COPS4: variants seen among roughly 807,000 people sequenced by gnomAD.
The protein encoded by COPS4 is COP9 signalosome complex subunit 4.
Under a neutral mutation model 55.1 loss-of-function variants are expected in COPS4, and 8 were observed. The ratio of observed to expected loss-of-function variants is 0.15; its 90% CI spans 0.09 to 0.26. COPS4 has a LOEUF of 0.26. Among genes scored for constraint, COPS4 ranks in the 10% least tolerant of loss-of-function variants. COPS4 has a pLI of 1.00. For synonymous variants in COPS4, 185 were observed against 165.7 expected (o/e 1.12, Z -0.90); for missense variants, 248 against 484.0 (o/e 0.51, Z 4.58).
intron 6 of COPS4, among the ~76,000 whole-genome samples, chr4:83,057,731 G>T (rs1185925323): frequency 3.3e-5 from 5 of 151,852 alleles, no homozygotes; most frequent in Non-Finnish European, 5.9e-5. Flanking sequence ...GACCATCCTG[G>T]CTAACAAGGT....
At position 83,068,428 on chromosome 4, in the gene COPS4, C is replaced by A; in HGVS notation, c.1003-10C>A. 1 of 1,498,904 alleles carries A rather than the reference C, an allele frequency of 6.7e-7. No homozygotes were observed. The allele number at this position is 1,498,904 out of a possible 1,614,324, so 92.9% of individuals were successfully genotyped here. The stretch of plus-strand genomic sequence containing the variant: ...ATAAAGTTTCTGAGAGTTTTTTTTT[C>A]CCCCAATAGGCGGAAAAGATAGCAT... On this transcript the variant is annotated splice_polypyrimidine_tract_variant and intron_variant, in intron 8 of 9. Coordinates refer to ENST00000264389, the MANE Select transcript of COPS4 (RefSeq NM_016129.3).
chr4:83,068,514 A>C lies in COPS4; in HGVS notation c.1079A>C (p.His360Pro). The change falls in exon 9 of 10, where the codon CAT (histidine) becomes CCT (proline). Residue 360 changes from histidine to proline, a missense_variant. Coordinates refer to ENST00000264389, the MANE Select transcript of COPS4 (RefSeq NM_016129.3). Reference protein sequence around the residue: ...GFIDQIDGIVHFETREALPTW... With the variant: ...GFIDQIDGIVPFETREALPTW... ...ATTGACCAGATTGATGGAATAGTTC[A>C]TTTTGAAAGTAAGAGGTTTTGTGTA... is the stretch of plus-strand genomic sequence containing the variant. 6.3e-7 allele frequency: 1 copy of C among 1,593,772 alleles called. No individual in the cohort carries two copies. The highest frequency in any genetic ancestry group is 1.3e-5 in the African/African-American group (1 of 74,612).
At chr4:83,042,746 G>A (rs1014866341) in intron 1 of COPS4, among the ~76,000 whole-genome samples, 7 of 152,006 alleles carry the variant, frequency 4.6e-5, no homozygotes, top group African/African-American at 1.4e-4. Flanking sequence ...GGCACCACAG[G>A]TGTGTGCCAC....
chr4:83,073,384 G>A (rs934443386), intron 9 of COPS4: 26 of 577,336 alleles, frequency 4.5e-5, no homozygotes, highest in South Asian at 1.7e-4. Context: ...TTTTATAGCC[G>A]AATAGCATTT....
At chr4:83,043,266 C>T (rs1216463943) in intron 1 of COPS4, among the ~76,000 whole-genome samples, 2 of 151,806 alleles carry the variant, frequency 1.3e-5, no homozygotes, top group Non-Finnish European at 2.9e-5. Context: ...CCTGTAATCC[C>T]AGCACTTGGG....
intron 4 of COPS4, among the ~76,000 whole-genome samples, chr4:83,050,829 G>A (rs1730870655): frequency 6.6e-6 from 1 of 152,148 alleles, no homozygotes; most frequent in Non-Finnish European, 1.5e-5. Flanking sequence ...TTTTCACTAA[G>A]TGAAATGAGG....
chr4:83,066,361 A>G (rs753730487), intron 7 of COPS4, 77 bp from the exon 8 acceptor site: 21 of 695,714 alleles, frequency 3.0e-5, no homozygotes, highest in African/African-American at 5.5e-5. Context: ...GTGCCTAGAC[A>G]TTTTCAGAAA....
At chr4:83,056,082 AACC>A (rs1731005516) in intron 4 of COPS4, among the ~76,000 whole-genome samples, 1 of 151,672 alleles carries the variant, frequency 6.6e-6, no homozygotes, top group African/African-American at 2.4e-5. Context: ...GTGTGGTGCC[AACC>A]ATGCCCGGCT....
chr4:83,042,024 C>G (rs1264287473), intron 1 of COPS4, among the ~76,000 whole-genome samples: 1 of 151,228 alleles, frequency 6.6e-6, no homozygotes, highest in Non-Finnish European at 1.5e-5. Context: ...GCCACCACAC[C>G]TGGCTAATTT....
Position 83,049,887 on chromosome 4 carries a change from T to C in COPS4, c.313T>C (p.Ser105Pro). The C allele has an allele frequency of 6.3e-7, 1 of 1,591,292 alleles. No individual in the cohort carries two copies. Among genetic ancestry groups the C allele is most frequent in the Non-Finnish European group, 8.6e-7 (1 of 1,168,914 alleles). ...TGTATACCTATTATTCCAGGTTGCT[T>C]CCATAAGACAGCATCTTGCATCTAT... The part of the protein sequence containing the change: ...RVISFEEQVA[S>P]IRQHLASIYE... Residue 105 changes from serine (S) to proline (P), a missense_variant, in exon 4 of 10, where the codon TCC becomes CCC. Ser to Pro is a moderately conservative substitution (Grantham distance 74). This residue lies in a region of COPS4 where 155 missense variants were observed against 326.6 expected (regional missense o/e 0.47). Transcript: ENST00000264389.
chr4:83,073,269 A>C (rs1731483793), intron 9 of COPS4: 2 of 699,708 alleles, frequency 2.9e-6, no homozygotes, highest in Non-Finnish European at 2.6e-6. Flanking sequence ...GTTCATATAA[A>C]TGGAATCATA....
intron 9 of COPS4, among the ~76,000 whole-genome samples, chr4:83,074,649 CT>C (rs907335858): frequency 0.014 from 1,866 of 135,518 alleles, 31 homozygotes; most frequent in African/African-American, 0.043. Context: ...TTTTACTTTT[CT>C]TTTTTTTTTT....
chr4:83,066,882 T>C (rs911558669), intron 8 of COPS4, among the ~76,000 whole-genome samples: 6 of 152,212 alleles, frequency 3.9e-5, no homozygotes, highest in African/African-American at 1.4e-4. Flanking sequence ...GGTGTCTGTT[T>C]AAATCCAACA....
chr4:83,051,737 G>A (rs1730893655), intron 4 of COPS4, among the ~76,000 whole-genome samples: 1 of 152,148 alleles, frequency 6.6e-6, no homozygotes, highest in Non-Finnish European at 1.5e-5. Context: ...ACATATTTGG[G>A]AGTTATTGAC....
intron 4 of COPS4, among the ~76,000 whole-genome samples, chr4:83,055,618 AT>A (rs1007952981): frequency 1.1e-4 from 16 of 151,232 alleles, no homozygotes; most frequent in Admixed American, 1.1e-3. Context: ...TAATTTTTTT[AT>A]TTTAGTAGAG....
At chr4:83,064,107 G>A (rs1054023845) in intron 7 of COPS4, among the ~76,000 whole-genome samples, 2 of 152,096 alleles carry the variant, frequency 1.3e-5, no homozygotes, top group Non-Finnish European at 2.9e-5. Flanking sequence ...AGGCTAAGGC[G>A]GGAGGATCTC....
intron 4 of COPS4, among the ~76,000 whole-genome samples, chr4:83,052,052 G>A (rs1056902954): frequency 2.6e-5 from 4 of 152,118 alleles, no homozygotes; most frequent in African/African-American, 9.7e-5. Context: ...GTAGTGTAGA[G>A]GCCACTGATA....
intron 8 of COPS4, among the ~76,000 whole-genome samples, chr4:83,067,211 G>A (rs1731312672): frequency 6.6e-6 from 1 of 151,918 alleles, no homozygotes; most frequent in South Asian, 2.1e-4. Flanking sequence ...GGTACTACAA[G>A]TACACATCAC....
intron 4 of COPS4, among the ~76,000 whole-genome samples, chr4:83,050,737 G>T (rs923135009): frequency 2.6e-5 from 4 of 152,106 alleles, no homozygotes; most frequent in Non-Finnish European, 4.4e-5. Context: ...GTGAGCAAAG[G>T]GGCAAGAGAT....
Sources: allele counts gnomAD v4.1 joint callset (sites outside exome capture counted in the v4.1 genomes callset), GRCh38; gene constraint gnomAD v4.1.1; regional missense constraint gnomAD v4.1.1; transcripts MANE v1.5; gene names NCBI Gene and HGNC (gene_info 2026-07-23, HGNC 2026-07-21).